GRIA1: variants seen among roughly 807,000 people sequenced by gnomAD.
GRIA1 encodes glutamate receptor 1.
A neutral mutation model predicts 99.2 loss-of-function variants in GRIA1; 31 were observed. The ratio of observed to expected loss-of-function variants is 0.31; its 90% CI spans 0.23 to 0.42. The LOEUF (loss-of-function observed/expected upper bound fraction) is 0.42, where lower values mean the gene tolerates loss of function less well. Among genes scored for constraint, GRIA1 ranks in the 10% least tolerant of loss-of-function variants. The pLI, the probability that GRIA1 is intolerant of heterozygous loss-of-function variation, is 1.00. For missense variants in GRIA1, 782 were observed against 1,157.5 expected, an observed-to-expected ratio of 0.68 and a Z score of 4.71; for synonymous variants, 438 against 432.4, an observed-to-expected ratio of 1.01 and a Z score of -0.16.
At chr5:153,594,783 G>T (rs1254605669) in intron 2 of GRIA1, among the ~76,000 whole-genome samples, 2 of 151,596 alleles carry the variant, frequency 1.3e-5, no homozygotes, top group Non-Finnish European at 2.9e-5. Flanking sequence ...TAAATACTTT[G>T]TCTTCTTCAG....
chr5:153,689,015 C>A (rs1463557194), intron 8 of GRIA1, among the ~76,000 whole-genome samples: 1 of 152,062 alleles, frequency 6.6e-6, no homozygotes, highest in Non-Finnish European at 1.5e-5. Context: ...CCACCGCCCC[C>A]AGGCTTTTTT....
chr5:153,713,083 AGTT>A (rs1759431943), intron 11 of GRIA1, among the ~76,000 whole-genome samples: 6 of 152,306 alleles, frequency 3.9e-5, no homozygotes, highest in African/African-American at 1.4e-4. Flanking sequence ...GTCAACATTG[AGTT>A]TGATATTGAG....
intron 12 of GRIA1, 54 bp from the exon 13 acceptor site, chr5:153,770,114 A>G: frequency 1.9e-6 from 3 of 1,588,976 alleles, no homozygotes; most frequent in South Asian, 1.1e-5. Context: ...TAATGTGTGC[A>G]CCGACCCCAA....
intron 11 of GRIA1, among the ~76,000 whole-genome samples, chr5:153,746,435 A>G (rs557794981): frequency 1.3e-5 from 2 of 152,272 alleles, no homozygotes; most frequent in South Asian, 2.1e-4. Context: ...GCATATTGTT[A>G]TTTTATCTCC....
At chr5:153,620,565 C>T (rs1402732956) in intron 2 of GRIA1, among the ~76,000 whole-genome samples, 1 of 152,136 alleles carries the variant, frequency 6.6e-6, no homozygotes, top group African/African-American at 2.4e-5. Context: ...AGGAAATAGA[C>T]CTGGATCCAG....
At chr5:153,575,597 A>T (rs936492234) in intron 2 of GRIA1, among the ~76,000 whole-genome samples, 1 of 152,214 alleles carries the variant, frequency 6.6e-6, no homozygotes, top group Non-Finnish European at 1.5e-5. Context: ...AAGAGGGAAC[A>T]GGGCTTTCCC....
intron 1 of GRIA1, 49 bp downstream of exon 1, chr5:153,491,019 AT>A (rs770962751): frequency 5.2e-6 from 8 of 1,552,000 alleles, no homozygotes; most frequent in South Asian, 1.1e-5. Flanking sequence ...CTGGCCAGGG[AT>A]TTTTTTGGGG....
chr5:153,532,542 C>T (rs926975057), intron 2 of GRIA1, among the ~76,000 whole-genome samples: 1 of 152,192 alleles, frequency 6.6e-6, no homozygotes, highest in African/African-American at 2.4e-5. Context: ...TTAGTTGGAA[C>T]GTGTGCTCTT....
chr5:153,727,682 A>T lies in GRIA1; in HGVS notation c.1823+21615A>T, dbSNP rs533057155. 4.3e-4 allele frequency among the ~76,000 whole-genome samples: 66 copies of T among 152,348 alleles called. 2 individuals carry two copies. The East Asian group carries it at 9.4e-3, about 22-fold the overall frequency. On this transcript the variant is annotated intron_variant, in intron 11 of 15. Coordinates refer to ENST00000285900, the MANE Select transcript of GRIA1 (RefSeq NM_000827.4). ...TACCTAGGAATCCAACTTACAAGGG[A>T]CGTGAAGGACCTCTTCAAGAACTAC...
In GRIA1 at chr5:153,589,816, G is replaced by T. The variant is rs367826301; in HGVS notation, c.221-57112G>T. Among the ~76,000 whole-genome samples, 44 of 152,162 alleles carry T rather than the reference G, an allele frequency of 2.9e-4. 1 individual carries two copies. In the South Asian group the frequency reaches 6.8e-3, roughly 24 times the overall value. On this transcript the variant is annotated intron_variant, in intron 2 of 15. Coordinates refer to ENST00000285900, the MANE Select transcript of GRIA1 (RefSeq NM_000827.4). ...CATAGTAAAATAATGCTGGGTGAGG[G>T]CTCACTGACATAATAATGTACTGTA...
chr5:153,794,882 A>G, intron 14 of GRIA1, 147 bp downstream of exon 14: 1 of 620,010 alleles, frequency 1.6e-6, no homozygotes, highest in South Asian at 2.0e-5. Flanking sequence ...TTGGTTGAGT[A>G]GAAGTAGCAT....
intron 2 of GRIA1, among the ~76,000 whole-genome samples, chr5:153,621,223 A>G (rs1767012980): frequency 2.6e-5 from 4 of 152,338 alleles, no homozygotes; most frequent in Non-Finnish European, 5.9e-5. Flanking sequence ...CCTAAAAATC[A>G]TTAGGTTCTT....
intron 4 of GRIA1, among the ~76,000 whole-genome samples, chr5:153,654,777 A>G (rs1181825564): frequency 6.6e-6 from 1 of 152,196 alleles, no homozygotes; most frequent in Non-Finnish European, 1.5e-5. Flanking sequence ...GCAACAGTGC[A>G]GGGAGAGAGA....
intron 11 of GRIA1, among the ~76,000 whole-genome samples, chr5:153,730,732 C>T (rs145263295): frequency 7.0e-4 from 107 of 152,162 alleles, no homozygotes; most frequent in African/African-American, 2.5e-3. Flanking sequence ...CGGTAGATAA[C>T]ACATTGTTGC....
intron 11 of GRIA1, among the ~76,000 whole-genome samples, chr5:153,718,648 C>G (rs575802064): frequency 6.6e-6 from 1 of 152,300 alleles, no homozygotes; most frequent in Admixed American, 6.5e-5. Flanking sequence ...CTAGCACATA[C>G]CAGAGCCTCA....
chr5:153,720,434 A>G (rs1426403073), intron 11 of GRIA1, among the ~76,000 whole-genome samples: 2 of 152,186 alleles, frequency 1.3e-5, no homozygotes, highest in Non-Finnish European at 2.9e-5. Context: ...TCTGAACACT[A>G]AAATAAGCCC....
intron 11 of GRIA1, among the ~76,000 whole-genome samples, chr5:153,739,250 G>C (rs1430803215): frequency 6.6e-6 from 1 of 152,040 alleles, no homozygotes; most frequent in African/African-American, 2.4e-5. Context: ...TCTTCCACTG[G>C]GGGAACCATT....
At position 153,753,316 on chromosome 5, in the gene GRIA1, C is replaced by G. The variant is rs116128197; in HGVS notation, c.1824-11118C>G. 6.0e-3 allele frequency among the ~76,000 whole-genome samples: 919 copies of G among 152,270 alleles called. 10 individuals are homozygous for G. The highest frequency in any genetic ancestry group is 0.021 in the African/African-American group (878 of 41,546). On this transcript the variant is annotated intron_variant, in intron 11 of 15. Coordinates refer to ENST00000285900, the MANE Select transcript of GRIA1 (RefSeq NM_000827.4). ...CAATGGAATAAAAATCCAATTATAT[C>G]AGATATTGGTGGTCAGACTGCTGAC...
At chr5:153,770,072 A>C (rs1408746289) in intron 12 of GRIA1, 96 bp from the exon 13 acceptor site, 1 of 1,229,994 alleles carries the variant, frequency 8.1e-7, no homozygotes, top group Non-Finnish European at 1.2e-6. Context: ...CTCGCTCATG[A>C]ATGTGTGATC....
Sources: allele counts gnomAD v4.1 joint callset (sites outside exome capture counted in the v4.1 genomes callset), GRCh38; gene constraint gnomAD v4.1.1; transcripts MANE v1.5; gene names NCBI Gene and HGNC (gene_info 2026-07-23, HGNC 2026-07-21).